PVT1: variants seen among roughly 807,000 people sequenced by gnomAD.
The protein encoded by PVT1 is CXCR4/PVT1 fusion.
chr8:127,985,584 G>A (rs556074361), intron 3 of PVT1, among the ~76,000 whole-genome samples: 8 of 152,042 alleles, frequency 5.3e-5, no homozygotes, highest in Non-Finnish European at 1.2e-4. Context: ...CCCCATGCTC[G>A]GCTTGCTGGA....
chr8:128,073,576 T>G (rs921335851), intron 5 of PVT1, among the ~76,000 whole-genome samples: 1 of 152,182 alleles, frequency 6.6e-6, no homozygotes, highest in Non-Finnish European at 1.5e-5. Context: ...CTGATGCCGC[T>G]GGTCCATGCA....
chr8:127,907,314 C>T (rs567671051), intron 3 of PVT1, among the ~76,000 whole-genome samples: 40 of 152,248 alleles, frequency 2.6e-4, no homozygotes, highest in Non-Finnish European at 4.4e-4. Context: ...TGCTTCCTAC[C>T]CCAGACATGT....
At chr8:127,835,811 G>T (rs1814903051) in intron 2 of PVT1, among the ~76,000 whole-genome samples, 1 of 152,156 alleles carries the variant, frequency 6.6e-6, no homozygotes, top group Admixed American at 6.5e-5. Flanking sequence ...GAGGTAAATA[G>T]AATTCATTTG....
intron 2 of PVT1, among the ~76,000 whole-genome samples, chr8:127,799,845 A>G (rs1369351194): frequency 6.6e-6 from 1 of 152,246 alleles, no homozygotes; most frequent in Non-Finnish European, 1.5e-5. Flanking sequence ...GAAAGGCAAC[A>G]TTCTAGTTGC....
chr8:127,821,331 G>A (rs1754512112), intron 2 of PVT1, among the ~76,000 whole-genome samples: 1 of 151,864 alleles, frequency 6.6e-6, no homozygotes, highest in South Asian at 2.1e-4. Flanking sequence ...AAAATATGTT[G>A]TATATGTAAA....
chr8:127,934,056 G>A (rs752532868), intron 3 of PVT1, among the ~76,000 whole-genome samples: 6 of 152,184 alleles, frequency 3.9e-5, no homozygotes, highest in Non-Finnish European at 8.8e-5. Context: ...TCAGCTATAG[G>A]ATACAACACT....
At chr8:128,033,300 G>A (rs532649132) in intron 4 of PVT1, among the ~76,000 whole-genome samples, 2 of 152,216 alleles carry the variant, frequency 1.3e-5, no homozygotes, top group East Asian at 3.9e-4. Context: ...AATGTCACCT[G>A]CCTGGTTCCC....
chr8:127,843,991 T>A (rs1815001937), intron 2 of PVT1, among the ~76,000 whole-genome samples: 1 of 149,236 alleles, frequency 6.7e-6, no homozygotes, highest in South Asian at 2.1e-4. Context: ...ATTATTATTA[T>A]TTTTTTTTTG....
intron 3 of PVT1, among the ~76,000 whole-genome samples, chr8:127,908,678 T>A (rs1272780829): frequency 6.6e-6 from 1 of 152,160 alleles, no homozygotes; most frequent in Non-Finnish European, 1.5e-5. Flanking sequence ...GACTCCCGGC[T>A]AAACACCCCC....
At chr8:128,018,593 C>T (rs1159851185) in intron 4 of PVT1, among the ~76,000 whole-genome samples, 1 of 152,162 alleles carries the variant, frequency 6.6e-6, no homozygotes. Context: ...TTCAGGTGGC[C>T]GTAGCAGTAA....
chr8:128,003,251 C>T (rs989933822), intron 4 of PVT1, among the ~76,000 whole-genome samples: 2 of 120,814 alleles, frequency 1.7e-5, no homozygotes, highest in East Asian at 5.0e-4. Flanking sequence ...TCCTTCTTTC[C>T]TTCCTTCCTT....
intron 4 of PVT1, among the ~76,000 whole-genome samples, chr8:128,063,945 T>C (rs910445321): frequency 4.6e-5 from 7 of 152,098 alleles, no homozygotes; most frequent in African/African-American, 1.7e-4. Flanking sequence ...CTTCAAAACA[T>C]CGTGTTGTAA....
intron 2 of PVT1, among the ~76,000 whole-genome samples, chr8:127,877,830 G>A (rs532620962): frequency 3.0e-4 from 45 of 152,250 alleles, no homozygotes; most frequent in African/African-American, 1.0e-3. Flanking sequence ...GGAGGCTGAG[G>A]TGGGAGAATT....
intron 4 of PVT1, among the ~76,000 whole-genome samples, chr8:128,015,960 C>T (rs1402178772): frequency 6.6e-6 from 1 of 152,014 alleles, no homozygotes; most frequent in African/African-American, 2.4e-5. Flanking sequence ...TTAAACACGT[C>T]TTCTGGAAGT....
intron 4 of PVT1, among the ~76,000 whole-genome samples, chr8:128,037,531 A>G (rs1813479897): frequency 6.6e-6 from 1 of 152,214 alleles, no homozygotes; most frequent in South Asian, 2.1e-4. Flanking sequence ...GCCTTGAAGC[A>G]TCTGGCCTGT....
chr8:127,821,304 G>A (rs775015363), intron 2 of PVT1, among the ~76,000 whole-genome samples: 1 of 152,108 alleles, frequency 6.6e-6, no homozygotes, highest in Non-Finnish European at 1.5e-5. Context: ...CAGTCGAAAT[G>A]TGCGAAAATT....
chr8:128,075,477 A>G (rs1361794415), intron 5 of PVT1, among the ~76,000 whole-genome samples: 2 of 152,174 alleles, frequency 1.3e-5, no homozygotes, highest in East Asian at 1.9e-4. Context: ...TTACGTAAAT[A>G]TTAAATGATT....
At chr8:127,946,337 A>T (rs958450413) in intron 3 of PVT1, among the ~76,000 whole-genome samples, 1 of 152,214 alleles carries the variant, frequency 6.6e-6, no homozygotes, top group Non-Finnish European at 1.5e-5. Context: ...AGTCTAGTGG[A>T]GGAAGGGGGA....
chr8:127,817,791 C>G (rs1814683511), intron 2 of PVT1, among the ~76,000 whole-genome samples: 2 of 150,940 alleles, frequency 1.3e-5, no homozygotes, highest in African/African-American at 4.9e-5. Flanking sequence ...CTACTAGAGG[C>G]TGAGATGGGA....
Sources: gnomAD v4.1 joint callset for allele counts (sites outside exome capture counted in the v4.1 genomes callset) on GRCh38, gnomAD v4.1.1 for gene constraint, MANE v1.5 for transcripts, NCBI Gene and HGNC (gene_info 2026-07-23, HGNC 2026-07-21) for gene names.